The following NNMT variants were observed in gnomAD, a reference collection of about 807,000 sequenced individuals.
NNMT encodes the protein nicotinamide N-methyltransferase.
In NNMT, 10 loss-of-function variants were observed where a neutral mutation model predicts 11.7. The ratio of observed to expected loss-of-function variants is 0.85; its 90% CI spans 0.53 to 1.45. The LOEUF is 1.45. Among genes scored for constraint, NNMT ranks in the 40% most tolerant of loss-of-function variants. NNMT has a pLI of 0.00. For synonymous variants in NNMT, 143 were observed against 133.8 expected, an observed-to-expected ratio of 1.07 and a Z score of -0.48; for missense variants, 381 against 319.4, an observed-to-expected ratio of 1.19 and a Z score of -1.47.
chr11:114,304,086 A>G (rs1276825928), intron 2 of NNMT, among the ~76,000 whole-genome samples: 1 of 152,202 alleles, frequency 6.6e-6, no homozygotes, highest in Non-Finnish European at 1.5e-5. Flanking sequence ...GATATTAACT[A>G]GAAACAATTG....
upstream of NNMT, among the ~76,000 whole-genome samples, chr11:114,294,644 C>T (rs1945359346): frequency 6.6e-6 from 1 of 151,928 alleles, no homozygotes; most frequent in Non-Finnish European, 1.5e-5. Flanking sequence ...GTGGTGGATA[C>T]CCCATTTACC....
intron 2 of NNMT, among the ~76,000 whole-genome samples, chr11:114,280,709 A>C (rs112026911): frequency 6.6e-6 from 1 of 152,176 alleles, no homozygotes; most frequent in Admixed American, 6.5e-5. Context: ...GAACAAGGAC[A>C]GCAGGATGGC....
Position 114,313,178 on chromosome 11 carries a change from G to A in NNMT, c.*701G>A, listed in dbSNP as rs987075145. 1 of 152,170 alleles carries A rather than the reference G, an allele frequency of 6.6e-6. No individual in the cohort carries two copies. Among genetic ancestry groups the A allele is most frequent in the African/African-American group, 2.4e-5 (1 of 41,440 alleles). The allele number at this position is 152,170 out of a possible 1,614,324, so 9.4% of individuals were successfully genotyped here. ...GAGATTAAAATAGTCTTTTTATTAA[G>A]AGAATTAAAGTGAATTGTGGCCAGG... On this transcript the variant is annotated 3_prime_UTR_variant, in exon 3 of 3. Transcript: ENST00000299964.
chr11:114,312,395 T>C lies in NNMT; in HGVS notation c.713T>C (p.Ile238Thr). 6.2e-7 allele frequency: 1 copy of C among 1,614,226 alleles called. No individual in the cohort carries two copies. Among genetic ancestry groups the C allele is most frequent in the Non-Finnish European group, 8.5e-7 (1 of 1,180,036 alleles). ...AGYTIEWFEV[I>T]SQSYSSTMAN... ...TACACAATCGAATGGTTTGAGGTGA[T>C]CTCGCAAAGTTATTCTTCCACCATG... Residue 238 changes from isoleucine (I) to threonine (T), a missense_variant, in exon 3 of 3, where the codon ATC (isoleucine) becomes ACC (threonine). Transcript: ENST00000299964.
chr11:114,305,600 T>G (rs965820870), intron 2 of NNMT, among the ~76,000 whole-genome samples: 8 of 151,282 alleles, frequency 5.3e-5, no homozygotes, highest in African/African-American at 1.9e-4. Context: ...CGTGTGGTGT[T>G]TGGTTTTCTG....
At chr11:114,285,355 T>A (rs1945290613) in intron 2 of NNMT, among the ~76,000 whole-genome samples, 1 of 152,156 alleles carries the variant, frequency 6.6e-6, no homozygotes, top group South Asian at 2.1e-4. Flanking sequence ...GTACATACAG[T>A]GACGCCCTTA....
chr11:114,300,318 G>T (rs1295371240), intron 2 of NNMT, among the ~76,000 whole-genome samples: 10 of 151,978 alleles, frequency 6.6e-5, no homozygotes, highest in African/African-American at 2.2e-4. Context: ...TTTTGACCAT[G>T]AATTATTTAG....
At position 114,312,379 on chromosome 11, in the gene NNMT, G is replaced by T. The variant is rs750805211; in HGVS notation, c.697G>T (p.Glu233Ter). ...TGTGAAAGAGGCTGGCTACACAATC[G>T]AATGGTTTGAGGTGATCTCGCAAAG... ...AAVKEAGYTI[E>*]WFEVISQSYS... The change falls in exon 3 of 3, where the codon GAA (glutamate) becomes TAA (stop). Residue 233 changes from glutamate to a stop codon, truncating the protein, a stop_gained. Coordinates refer to ENST00000299964, the MANE Select transcript of NNMT (RefSeq NM_006169.3). LOFTEE classifies it low-confidence loss of function (END_TRUNC). The T allele has an allele frequency of 3.7e-6, 6 of 1,614,230 alleles. No homozygotes were observed. The Admixed American group carries it at 1.0e-4, about 27-fold the overall frequency.
At chr11:114,274,318 TGGCCCTGA>T in intron 2 of NNMT, among the ~76,000 whole-genome samples, 1 of 152,370 alleles carries the variant, frequency 6.6e-6, no homozygotes, top group South Asian at 2.1e-4. Context: ...TAATTGGCAT[TGGCCCTGA>T]GGCCACCATT....
intron 1 of NNMT, among the ~76,000 whole-genome samples, chr11:114,258,262 C>A (rs1945046685): frequency 6.6e-6 from 1 of 152,236 alleles, no homozygotes; most frequent in South Asian, 2.1e-4. Context: ...GAGCTCCCCG[C>A]ATGCCCTGTA....
chr11:114,260,159 G>A (rs1037195021), intron 1 of NNMT, among the ~76,000 whole-genome samples: 7 of 152,150 alleles, frequency 4.6e-5, no homozygotes, highest in Non-Finnish European at 7.3e-5. Flanking sequence ...GGGATGAGAC[G>A]CTGAGCGCTG....
At chr11:114,259,354 G>C (rs1032940630) in intron 1 of NNMT, among the ~76,000 whole-genome samples, 3 of 150,462 alleles carry the variant, frequency 2.0e-5, no homozygotes, top group East Asian at 1.9e-4. Context: ...CAGTGGGGGG[G>C]GGGGAGCTCC....
At chr11:114,283,652 C>T (rs1464708648) in intron 2 of NNMT, among the ~76,000 whole-genome samples, 1 of 152,140 alleles carries the variant, frequency 6.6e-6, no homozygotes, top group African/African-American at 2.4e-5. Flanking sequence ...GTTTTCTTTA[C>T]AGAATCTTAT....
At chr11:114,311,280 T>C (rs982236033) in intron 2 of NNMT, among the ~76,000 whole-genome samples, 1 of 152,184 alleles carries the variant, frequency 6.6e-6, no homozygotes, top group Admixed American at 6.5e-5. Flanking sequence ...CAGTGAGCTG[T>C]GATGGCGCCA....
At chr11:114,285,562 G>T (rs1392853558) in intron 2 of NNMT, among the ~76,000 whole-genome samples, 1 of 152,186 alleles carries the variant, frequency 6.6e-6, no homozygotes, top group Admixed American at 6.5e-5. Flanking sequence ...CAAATTTGAT[G>T]GGTTATAGTT....
chr11:114,264,852 G>A (rs1190868633), intron 2 of NNMT, among the ~76,000 whole-genome samples: 2 of 152,218 alleles, frequency 1.3e-5, no homozygotes, highest in African/African-American at 4.8e-5. Context: ...GATGCATAGG[G>A]CAAAGTATGG....
rs1945492326 is a variant in NNMT at position 114,306,389 on chromosome 11, T to A, written c.363-5656T>A. Reference sequence around the variant, plus strand: ...TTGTTAATTTTGGCTTTTGTTGCTATTGCTTTTGGTGTTTTAGACATGAAG... The same window carrying A: ...TTGTTAATTTTGGCTTTTGTTGCTAATGCTTTTGGTGTTTTAGACATGAAG... On this transcript the variant is annotated intron_variant, in intron 2 of 2. Coordinates refer to ENST00000299964, the MANE Select transcript of NNMT (RefSeq NM_006169.3). 2.6e-5 allele frequency among the ~76,000 whole-genome samples: 4 copies of A among 152,228 alleles called. No homozygotes were observed. In the South Asian group the frequency reaches 8.3e-4, roughly 32 times the overall value.
Position 114,280,336 on chromosome 11 carries a change from C to G in NNMT, c.-129-16092C>G, listed in dbSNP as rs372767048. On this transcript the variant is annotated intron_variant, in intron 2 of 4. Transcript: ENST00000535401. ...GATAGACAGACCTGGGCTGGGCTCA[C>G]ACAGCCAGATGGTGGTGTGTGAGCC... 3.4e-3 allele frequency among the ~76,000 whole-genome samples: 522 copies of G among 152,114 alleles called. 2 individuals are homozygous for G. The highest frequency in any genetic ancestry group is 0.012 in the African/African-American group (497 of 41,498).
intron 2 of NNMT, among the ~76,000 whole-genome samples, chr11:114,267,670 T>C (rs1945132218): frequency 6.6e-6 from 1 of 152,228 alleles, no homozygotes; most frequent in Non-Finnish European, 1.5e-5. Flanking sequence ...TATTCTTCTG[T>C]CTTTTGTTCC....
Sources: gnomAD v4.1 joint callset for allele counts (sites outside exome capture counted in the v4.1 genomes callset) on GRCh38, gnomAD v4.1.1 for gene constraint, MANE v1.5 for transcripts, NCBI Gene and HGNC (gene_info 2026-07-23, HGNC 2026-07-21) for gene names.